Variants in SULF1 observed in about 807,000 individuals in gnomAD.
The protein encoded by SULF1 is sulfatase 1.
SULF1 carries 46 observed loss-of-function variants against 110.5 expected under a neutral mutation model. That is an observed-to-expected ratio of 0.42 (90% CI 0.33 to 0.53). The LOEUF (loss-of-function observed/expected upper bound fraction) is 0.53. Ranked by LOEUF, SULF1 falls within the 20% of genes least tolerant of loss-of-function variation. The probability of loss-of-function intolerance (pLI) is 0.12; values close to 1 mark genes in which losing one functional copy is unlikely to be tolerated. For synonymous variants in SULF1, 371 were observed against 387.1 expected, an observed-to-expected ratio of 0.96 and a Z score of 0.49; for missense variants, 941 against 1,094.2, an observed-to-expected ratio of 0.86 and a Z score of 1.98.
intron 12 of SULF1, 142 bp from the exon 13 acceptor site, chr8:69,604,661 G>T: frequency 2.8e-6 from 3 of 1,072,822 alleles, no homozygotes; most frequent in Non-Finnish European, 4.0e-6. Flanking sequence ...TTGAACTCCT[G>T]TAGACAGAGC....
At chr8:69,582,688 GAAA>G (rs3059986) in intron 6 of SULF1, among the ~76,000 whole-genome samples, 2,069 of 136,738 alleles carry the variant, frequency 0.015, 22 homozygotes, top group South Asian at 0.03. Context: ...TGCCTTCTTG[GAAA>G]AAAAAAAAAA....
At chr8:69,637,081 C>T (rs1202080800) in intron 19 of SULF1, among the ~76,000 whole-genome samples, 1 of 152,146 alleles carries the variant, frequency 6.6e-6, no homozygotes, top group African/African-American at 2.4e-5. Flanking sequence ...CACTTCAAAA[C>T]GACAATATTT....
At chr8:69,570,304 T>A (rs1032314662) in intron 5 of SULF1, among the ~76,000 whole-genome samples, 3 of 152,226 alleles carry the variant, frequency 2.0e-5, no homozygotes, top group African/African-American at 7.2e-5. Context: ...CAATATTTAC[T>A]GTTGAATTTC....
At chr8:69,472,950 C>A (rs1232613534) in intron 1 of SULF1, among the ~76,000 whole-genome samples, 1 of 152,144 alleles carries the variant, frequency 6.6e-6, no homozygotes, top group East Asian at 1.9e-4. Context: ...GATCCTCCTG[C>A]CTCAGTCTCA....
intron 5 of SULF1, among the ~76,000 whole-genome samples, chr8:69,569,575 G>A (rs1194730861): frequency 6.6e-6 from 1 of 152,114 alleles, no homozygotes; most frequent in Non-Finnish European, 1.5e-5. Context: ...TTTTCTTATA[G>A]TCAGGAAAAG....
intron 3 of SULF1, chr8:69,563,244 C>G (rs1373811805): frequency 6.6e-6 from 1 of 152,280 alleles, no homozygotes; most frequent in Non-Finnish European, 1.5e-5. Flanking sequence ...GCTGGCTCTT[C>G]CTAATCGATC....
intron 13 of SULF1, among the ~76,000 whole-genome samples, chr8:69,614,177 A>G (rs144815548): frequency 0.011 from 1,723 of 152,314 alleles, 9 homozygotes; most frequent in Middle Eastern, 0.034. Context: ...GCTAATGCTC[A>G]TAACTCTGCA....
intron 6 of SULF1, among the ~76,000 whole-genome samples, chr8:69,576,618 G>T (rs1048302353): frequency 6.6e-6 from 1 of 152,134 alleles, no homozygotes; most frequent in Non-Finnish European, 1.5e-5. Flanking sequence ...TGATTAATTG[G>T]TTTTTTGAAA....
rs760249922 is a variant in SULF1, at chr8:69,564,126, G to A, written c.151G>A (p.Asp51Asn). 24 of 1,614,008 alleles carry A rather than the reference G, an allele frequency of 1.5e-5. No homozygotes were observed. The highest frequency in any genetic ancestry group is 2.2e-5 in the East Asian group (1 of 44,904). Residue 51 changes from aspartate to asparagine, a missense_variant, in exon 5 of 23, where the codon GAT (aspartate) becomes AAT (asparagine). Transcript: ENST00000402687. ...IRPNIILVLT[D>N]DQDVELGSLQ... The stretch of plus-strand genomic sequence containing the variant: ...ACCCAACATTATTCTTGTGCTTACC[G>A]ATGATCAAGATGTGGAGCTGGGTGA...
At chr8:69,640,941 C>A (rs2130686308) in intron 22 of SULF1, 100 bp downstream of exon 22, 2 of 1,123,528 alleles carry the variant, frequency 1.8e-6, no homozygotes, top group East Asian at 2.6e-5. Context: ...TTGCACAGAG[C>A]AAAGCTGGGG....
At chr8:69,548,301 G>A (rs1169437741) in intron 3 of SULF1, among the ~76,000 whole-genome samples, 3 of 152,020 alleles carry the variant, frequency 2.0e-5, no homozygotes, top group Non-Finnish European at 2.9e-5. Context: ...TAGCAAAGGA[G>A]GTAAAAACAA....
intron 8 of SULF1, among the ~76,000 whole-genome samples, chr8:69,595,142 G>T (rs1331761194): frequency 2.6e-5 from 4 of 152,046 alleles, no homozygotes; most frequent in African/African-American, 9.7e-5. Flanking sequence ...CTACAATTCC[G>T]TAGTTTTTTA....
intron 1 of SULF1, among the ~76,000 whole-genome samples, chr8:69,475,415 TA>T (rs11376714): frequency 2.7e-4 from 41 of 149,940 alleles, no homozygotes; most frequent in South Asian, 6.4e-4. Context: ...TCAAATAAAT[TA>T]AAAAAAAAAT....
intron 21 of SULF1, among the ~76,000 whole-genome samples, chr8:69,639,108 T>TA (rs1487990549): frequency 6.6e-6 from 1 of 152,232 alleles, no homozygotes; most frequent in African/African-American, 2.4e-5. Flanking sequence ...ATTCTATTAG[T>TA]AAACCTTGAT....
intron 8 of SULF1, among the ~76,000 whole-genome samples, chr8:69,591,398 CA>C (rs550550616): frequency 4.1e-5 from 6 of 147,156 alleles, no homozygotes; most frequent in Non-Finnish European, 4.5e-5. Flanking sequence ...ACTAAAAATA[CA>C]AAAAAAAAAT....
At chr8:69,494,481 T>C (rs1810189144) in intron 1 of SULF1, among the ~76,000 whole-genome samples, 1 of 152,226 alleles carries the variant, frequency 6.6e-6, no homozygotes, top group South Asian at 2.1e-4. Flanking sequence ...ATATTTTCCC[T>C]TAGAATTCTC....
intron 3 of SULF1, among the ~76,000 whole-genome samples, chr8:69,546,743 A>G (rs143435724): frequency 3.5e-4 from 54 of 152,374 alleles, no homozygotes; most frequent in African/African-American, 1.2e-3. Flanking sequence ...CTTTTAAAAC[A>G]TAAGAGTCTA....
intron 3 of SULF1, among the ~76,000 whole-genome samples, chr8:69,515,119 T>C (rs1241176007): frequency 2.6e-5 from 4 of 152,194 alleles, no homozygotes; most frequent in Non-Finnish European, 5.9e-5. Context: ...GAACTTTGTG[T>C]GGGGACTCCA....
intron 3 of SULF1, among the ~76,000 whole-genome samples, chr8:69,560,245 T>A (rs1815389221): frequency 6.6e-6 from 1 of 152,036 alleles, no homozygotes; most frequent in South Asian, 2.1e-4. Context: ...CTTAAACCTT[T>A]GGGAGCAACA....
Sources: allele counts gnomAD v4.1 joint callset (sites outside exome capture counted in the v4.1 genomes callset), GRCh38; gene constraint gnomAD v4.1.1; transcripts MANE v1.5; gene names NCBI Gene and HGNC (gene_info 2026-07-23, HGNC 2026-07-21).